ELOVL2: variants seen among roughly 807,000 people sequenced by gnomAD.
The protein encoded by ELOVL2 is very long chain fatty acid elongase 2.
In ELOVL2, 38 loss-of-function variants were observed where a neutral mutation model predicts 37.7. That is an observed-to-expected ratio of 1.01 (90% CI 0.78 to 1.32). ELOVL2 has a LOEUF of 1.32. Ranked by LOEUF, ELOVL2 falls within the 40% of genes most tolerant of loss-of-function variation. ELOVL2 has a pLI of 0.00. For synonymous variants in ELOVL2, 115 were observed against 122.3 expected (o/e 0.94, Z 0.40); for missense variants, 352 against 363.6 (o/e 0.97, Z 0.26).
At chr6:11,017,303 T>G (rs1782698845) in intron 1 of ELOVL2, among the ~76,000 whole-genome samples, 1 of 152,188 alleles carries the variant, frequency 6.6e-6, no homozygotes, top group South Asian at 2.1e-4. Flanking sequence ...AAATTGAGAC[T>G]GCAGACTCAA....
At chr6:10,996,601 C>T (rs559672028) in intron 4 of ELOVL2, among the ~76,000 whole-genome samples, 10 of 151,348 alleles carry the variant, frequency 6.6e-5, no homozygotes, top group Non-Finnish European at 8.8e-5. Flanking sequence ...ACCCAGGAGG[C>T]GGAGCTTGCA....
chr6:11,009,841 T>A (rs920115542), intron 2 of ELOVL2, among the ~76,000 whole-genome samples: 1 of 152,008 alleles, frequency 6.6e-6, no homozygotes, highest in African/African-American at 2.4e-5. Context: ...GCAATATGAC[T>A]TAGGTCTTTA....
intron 1 of ELOVL2, among the ~76,000 whole-genome samples, chr6:11,011,365 CAA>C (rs199986191): frequency 9.2e-6 from 1 of 109,140 alleles, no homozygotes. Context: ...GACTCTGTCT[CAA>C]AAAAAAAAAA....
At chr6:10,986,715 G>C (rs1782059395) in intron 7 of ELOVL2, among the ~76,000 whole-genome samples, 1 of 152,142 alleles carries the variant, frequency 6.6e-6, no homozygotes, top group Non-Finnish European at 1.5e-5. Flanking sequence ...GGTCATGGTG[G>C]ATAAGCTTTT....
intron 2 of ELOVL2, among the ~76,000 whole-genome samples, chr6:11,006,611 C>A (rs1782487988): frequency 6.6e-6 from 1 of 152,154 alleles, no homozygotes; most frequent in Admixed American, 6.5e-5. Flanking sequence ...TATACCCCAG[C>A]CTCTTGTTAA....
intron 5 of ELOVL2, 67 bp downstream of exon 5, chr6:10,994,940 T>C (rs1445186627): frequency 7.6e-7 from 1 of 1,310,390 alleles, no homozygotes; most frequent in Non-Finnish European, 1.1e-6. Context: ...CGATGCTTAA[T>C]ACAAGACAGC....
intron 2 of ELOVL2, among the ~76,000 whole-genome samples, chr6:11,006,999 T>C (rs1782493404): frequency 6.6e-6 from 1 of 152,260 alleles, no homozygotes; most frequent in South Asian, 2.1e-4. Context: ...ATGGCTATGA[T>C]ACTGTTACTA....
intron 1 of ELOVL2, among the ~76,000 whole-genome samples, chr6:11,033,107 G>A (rs1353469945): frequency 1.3e-5 from 2 of 151,990 alleles, no homozygotes; most frequent in Admixed American, 6.6e-5. Flanking sequence ...TCTATTTACT[G>A]CCCCTAAATG....
At chr6:11,028,216 T>G (rs1213501793) in intron 1 of ELOVL2, among the ~76,000 whole-genome samples, 1 of 152,198 alleles carries the variant, frequency 6.6e-6, no homozygotes, top group Admixed American at 6.5e-5. Context: ...TCTTTGGAGA[T>G]TTGGTTTCTA....
chr6:11,040,685 T>A (rs555173425), intron 1 of ELOVL2, among the ~76,000 whole-genome samples: 1 of 152,292 alleles, frequency 6.6e-6, no homozygotes, highest in South Asian at 2.1e-4. Flanking sequence ...GTGTCTCAAC[T>A]AAAATAGATA....
intron 1 of ELOVL2, among the ~76,000 whole-genome samples, chr6:11,020,507 C>A (rs910455517): frequency 6.6e-5 from 10 of 152,182 alleles, no homozygotes; most frequent in African/African-American, 2.4e-4. Flanking sequence ...CAGTCACTGT[C>A]TAATATTTCC....
intron 5 of ELOVL2, among the ~76,000 whole-genome samples, chr6:10,990,674 C>CCCG (rs1554110759): frequency 5.0e-5 from 2 of 40,118 alleles, no homozygotes; most frequent in African/African-American, 1.6e-4. Flanking sequence ...AATGCCCCCC[C>CCCG]CCCGCCACAC....
Position 10,995,025 on chromosome 6 carries a change from A to G in ELOVL2, c.487T>C (p.Trp163Arg), listed in dbSNP as rs754080552. ...MFNIWWCVLN[W>R]IPCGQSFFGP... is the part of the protein sequence containing the mutation. ...AACTTACTTTGTCCACAAGGTATCC[A>G]GTTCAAGACACACCACCAGATGTTA... is the stretch of plus-strand genomic sequence containing the variant. The change falls in exon 5 of 8, where the codon TGG becomes CGG. Residue 163 changes from tryptophan to arginine, a missense_variant. Trp to Arg is a moderately radical substitution (Grantham distance 101). Coordinates refer to ENST00000354666, the MANE Select transcript of ELOVL2 (RefSeq NM_017770.4). 3 of 1,599,040 alleles carry G rather than the reference A, an allele frequency of 1.9e-6. No individual in the cohort carries two copies. Among genetic ancestry groups the G allele is most frequent in the East Asian group, 4.5e-5 (2 of 44,678 alleles).
At chr6:11,040,855 A>C (rs1783089389) in intron 1 of ELOVL2, among the ~76,000 whole-genome samples, 1 of 152,226 alleles carries the variant, frequency 6.6e-6, no homozygotes, top group South Asian at 2.1e-4. Context: ...GCCCAAGGTC[A>C]CACAGTTAAA....
At position 11,005,495 on chromosome 6, in the gene ELOVL2, C is replaced by T. The variant is rs1206418695; in HGVS notation, c.132G>A (p.Met44Ile). 6 of 1,614,004 alleles carry T rather than the reference C, an allele frequency of 3.7e-6. No homozygotes were observed. Among genetic ancestry groups the T allele is most frequent in the East Asian group, 4.5e-5 (2 of 44,900 alleles). ...SYLPTFFLTVMYLLSIWLGNK... is the reference protein window; with the variant it reads ...SYLPTFFLTVIYLLSIWLGNK... ...TACCCAGCCATATTGAGAGCAGATA[C>T]ATGACAGTAAGAAAAAAGGTAGGAA... The change falls in exon 3 of 8, where the codon ATG becomes ATA. Residue 44 changes from methionine (M) to isoleucine (I), a missense_variant. Physicochemically the swap from Met to Ile is conservative, Grantham distance 10. Coordinates refer to ENST00000354666, the MANE Select transcript of ELOVL2 (RefSeq NM_017770.4).
At chr6:11,028,151 A>T (rs977522795) in intron 1 of ELOVL2, among the ~76,000 whole-genome samples, 4 of 152,218 alleles carry the variant, frequency 2.6e-5, no homozygotes, top group African/African-American at 7.2e-5. Context: ...ACTGATGACA[A>T]TAGAGTTCCT....
At chr6:10,990,513 TTC>T (rs1479082903) in intron 5 of ELOVL2, 71 bp from the exon 6 acceptor site, 5 of 1,433,374 alleles carry the variant, frequency 3.5e-6, no homozygotes, top group Non-Finnish European at 4.7e-6. Context: ...TCAAGTGAGA[TTC>T]TCTCTCTGCA....
chr6:11,026,059 A>G (rs1782834509), intron 1 of ELOVL2, among the ~76,000 whole-genome samples: 1 of 152,168 alleles, frequency 6.6e-6, no homozygotes, highest in Non-Finnish European at 1.5e-5. Flanking sequence ...TAAGCCATCA[A>G]GCTTTCAGGA....
intron 1 of ELOVL2, among the ~76,000 whole-genome samples, chr6:11,013,639 G>C (rs759044378): frequency 3.3e-5 from 5 of 152,174 alleles, no homozygotes; most frequent in African/African-American, 1.2e-4. Context: ...GGGAAAGTGA[G>C]ACATAGAAAG....
Sources: gnomAD v4.1 joint callset for allele counts (sites outside exome capture counted in the v4.1 genomes callset) on GRCh38, gnomAD v4.1.1 for gene constraint, MANE v1.5 for transcripts, NCBI Gene and HGNC (gene_info 2026-07-23, HGNC 2026-07-21) for gene names.